Variants in TMTC2 observed in about 807,000 individuals in gnomAD.
The protein encoded by TMTC2 is protein O-mannosyl-transferase TMTC2.
TMTC2 carries 43 observed loss-of-function variants against 82.4 expected under a neutral mutation model. That is an observed-to-expected ratio of 0.52 (90% CI 0.41 to 0.67). The LOEUF is 0.67. Among genes scored for constraint, TMTC2 ranks in the 30% least tolerant of loss-of-function variants. The pLI, the probability that TMTC2 is intolerant of heterozygous loss-of-function variation, is 0.00. For synonymous variants in TMTC2, 408 were observed against 381.9 expected, an observed-to-expected ratio of 1.07 and a Z score of -0.80; for missense variants, 919 against 1,012.4, an observed-to-expected ratio of 0.91 and a Z score of 1.25.
chr12:83,006,685 A>C (rs1880219538), intron 8 of TMTC2, among the ~76,000 whole-genome samples: 1 of 152,204 alleles, frequency 6.6e-6, no homozygotes, highest in Admixed American at 6.5e-5. Flanking sequence ...TCACAATAGC[A>C]AAGACTTGGA....
chr12:83,005,617 C>G (rs1273938640), intron 8 of TMTC2, among the ~76,000 whole-genome samples: 1 of 152,154 alleles, frequency 6.6e-6, no homozygotes, highest in African/African-American at 2.4e-5. Context: ...GTGCTCTGAC[C>G]CTGGGGACTT....
intron 11 of TMTC2, among the ~76,000 whole-genome samples, chr12:83,107,627 T>C (rs1884455842): frequency 6.6e-6 from 1 of 152,184 alleles, no homozygotes; most frequent in Admixed American, 6.5e-5. Flanking sequence ...TTTCAACCCA[T>C]AGCAACAGTT....
chr12:83,118,924 T>C (rs1434407014), intron 11 of TMTC2, among the ~76,000 whole-genome samples: 5 of 152,172 alleles, frequency 3.3e-5, no homozygotes, highest in African/African-American at 1.2e-4. Flanking sequence ...CTCTTCTAGG[T>C]TTTCTAGTTT....
chr12:83,010,597 CCTT>C, intron 8 of TMTC2, among the ~76,000 whole-genome samples: 1 of 152,258 alleles, frequency 6.6e-6, no homozygotes, highest in East Asian at 1.9e-4. Context: ...CCAAATAAAG[CCTT>C]CTTCCCTGGT....
chr12:82,723,613 C>T (rs980669186), intron 1 of TMTC2, among the ~76,000 whole-genome samples: 1 of 152,088 alleles, frequency 6.6e-6, no homozygotes. Flanking sequence ...TAAACTGTAC[C>T]TGCATTTTGA....
chr12:82,937,730 ATG>A (rs1479455766), intron 4 of TMTC2, among the ~76,000 whole-genome samples: 273 of 26,472 alleles, frequency 0.01, 13 homozygotes, highest in African/African-American at 0.02. Context: ...GTGTGTGTGG[ATG>A]TGTGTGTGTG....
In TMTC2 at chr12:83,134,793, C is replaced by G. The variant is rs1364308694; in HGVS notation, c.*2404C>G. On this transcript the variant is annotated 3_prime_UTR_variant, in exon 12 of 12. Transcript: ENST00000321196. Reference sequence around the variant, plus strand: ...AAATTATCAAGATTTGTAGGCTTTCCTTTTGTAGAAATAATTGTTTTATGT... The same window carrying G: ...AAATTATCAAGATTTGTAGGCTTTCGTTTTGTAGAAATAATTGTTTTATGT... 4 of 152,034 alleles carry G rather than the reference C, an allele frequency of 2.6e-5. No individual in the cohort carries two copies. Among genetic ancestry groups the G allele is most frequent in the Non-Finnish European group, 4.4e-5 (3 of 67,980 alleles). The allele number at this position is 152,034 out of a possible 1,614,324, so 9.4% of individuals were successfully genotyped here.
intron 2 of TMTC2, among the ~76,000 whole-genome samples, chr12:82,889,708 C>T (rs1004926196): frequency 6.6e-6 from 1 of 152,146 alleles, no homozygotes; most frequent in African/African-American, 2.4e-5. Context: ...CATGATTTTT[C>T]ACCAGTCATG....
rs559284098 is a variant in TMTC2, at chr12:82,853,579, A to G, written c.84-3431A>G. 5.9e-5 allele frequency among the ~76,000 whole-genome samples: 9 copies of G among 152,278 alleles called. No individual in the cohort carries two copies. In the South Asian group the frequency reaches 1.9e-3, roughly 32 times the overall value. ...CTTTGAACAGATTTTTTAATGGGTG[A>G]ATTTTTTATCAAAAGCCTTTACATA... is the stretch of plus-strand genomic sequence containing the variant. On this transcript the variant is annotated intron_variant, in intron 1 of 11. Coordinates refer to ENST00000321196, the MANE Select transcript of TMTC2 (RefSeq NM_152588.3).
chr12:82,899,880 C>T (rs189378959), intron 3 of TMTC2, among the ~76,000 whole-genome samples: 214 of 137,412 alleles, frequency 1.6e-3, no homozygotes, highest in East Asian at 0.015. Context: ...TATACATATC[C>T]GGAATATAGA....
At chr12:83,118,354 G>T (rs577258430) in intron 11 of TMTC2, among the ~76,000 whole-genome samples, 10 of 152,052 alleles carry the variant, frequency 6.6e-5, no homozygotes, top group African/African-American at 2.4e-4. Flanking sequence ...TTTGTATGCC[G>T]ATTTTGCTTA....
intron 1 of TMTC2, among the ~76,000 whole-genome samples, chr12:82,853,657 TG>T (rs1871102960): frequency 6.6e-6 from 1 of 152,192 alleles, no homozygotes; most frequent in Non-Finnish European, 1.5e-5. Flanking sequence ...TTGGAAAAGA[TG>T]ATTCTTCATT....
chr12:83,034,801 A>G (rs1260756058), intron 9 of TMTC2, among the ~76,000 whole-genome samples: 1 of 152,202 alleles, frequency 6.6e-6, no homozygotes, highest in Non-Finnish European at 1.5e-5. Flanking sequence ...AATATCCTCC[A>G]TTCTAGAATT....
chr12:82,788,246 G>A (rs1300666813), intron 1 of TMTC2, among the ~76,000 whole-genome samples: 1 of 152,056 alleles, frequency 6.6e-6, no homozygotes, highest in East Asian at 1.9e-4. Context: ...TTTGAGTACA[G>A]AGATGATATT....
chr12:82,836,460 G>C (rs1329369945), intron 1 of TMTC2, among the ~76,000 whole-genome samples: 1 of 152,132 alleles, frequency 6.6e-6, no homozygotes, highest in African/African-American at 2.4e-5. Flanking sequence ...GTCGTGGTTG[G>C]AATGATGTAA....
chr12:82,818,168 C>A (rs1044354686), intron 1 of TMTC2, among the ~76,000 whole-genome samples: 1 of 151,980 alleles, frequency 6.6e-6, no homozygotes, highest in East Asian at 1.9e-4. Flanking sequence ...ATTTTTATTT[C>A]TTATTGCAGT....
At chr12:82,954,649 G>T (rs1763506029) in intron 4 of TMTC2, among the ~76,000 whole-genome samples, 1 of 152,176 alleles carries the variant, frequency 6.6e-6, no homozygotes, top group African/African-American at 2.4e-5. Context: ...ATGTACTCTT[G>T]AAAAGCATAC....
At chr12:82,754,667 G>A (rs1470987178) in intron 1 of TMTC2, among the ~76,000 whole-genome samples, 4 of 152,084 alleles carry the variant, frequency 2.6e-5, no homozygotes, top group East Asian at 1.9e-4. Context: ...AACCTGTGAG[G>A]CAGAGTTTGC....
At chr12:82,844,993 C>T (rs183092165) in intron 1 of TMTC2, among the ~76,000 whole-genome samples, 220 of 151,044 alleles carry the variant, frequency 1.5e-3, no homozygotes, top group African/African-American at 5.0e-3. Context: ...TTTGGGAGGC[C>T]GAGGTGGGCG....
Sources: gnomAD v4.1 joint callset for allele counts (sites outside exome capture counted in the v4.1 genomes callset) on GRCh38, gnomAD v4.1.1 for gene constraint, MANE v1.5 for transcripts, NCBI Gene and HGNC (gene_info 2026-07-23, HGNC 2026-07-21) for gene names.